KCNQ2: variants seen among roughly 807,000 people sequenced by gnomAD.
The protein encoded by KCNQ2 is potassium voltage-gated channel subfamily Q member 2.
KCNQ2 carries 14 observed loss-of-function variants against 84.8 expected under a neutral mutation model. The ratio of observed to expected loss-of-function variants is 0.17; its 90% CI spans 0.11 to 0.26. The LOEUF (loss-of-function observed/expected upper bound fraction) is 0.26. KCNQ2 is among the 10% of genes least tolerant of loss of function. KCNQ2 has a pLI of 1.00. For synonymous variants in KCNQ2, 599 were observed against 554.1 expected (o/e 1.08, Z -1.14); for missense variants, 788 against 1,254.0 (o/e 0.63, Z 5.61).
In KCNQ2 at chr20:63,400,999, G is replaced by A. The variant is rs1051489159; in HGVS notation, c.*5645C>T. 33 of 397,052 alleles carry A rather than the reference G, an allele frequency of 8.3e-5. No homozygotes were observed. The highest frequency in any genetic ancestry group is 1.3e-4 in the Non-Finnish European group (29 of 225,544). 24.6% of individuals were successfully genotyped at this position (397,052 alleles called of 1,614,324 possible). ...GGCGGAGTTGGCGTGTGGCGATGGC[G>A]ATGTGCACGTGCCTGCCTGGTAGCC... is the stretch of plus-strand genomic sequence containing the variant. On this transcript the variant is annotated 3_prime_UTR_variant, in exon 17 of 17. Coordinates refer to ENST00000359125, the MANE Select transcript of KCNQ2 (RefSeq NM_172107.4). This position sits in a 1 kb window ranked among gnomAD's most constrained non-coding sequence, Gnocchi z 8.7.
chr20:63,414,412 C>T lies in KCNQ2; in HGVS notation c.1526-219G>A, dbSNP rs543846822. On this transcript the variant is annotated intron_variant, in intron 13 of 16. Coordinates refer to ENST00000359125, the MANE Select transcript of KCNQ2 (RefSeq NM_172107.4). This position sits in a 1 kb window ranked among gnomAD's most constrained non-coding sequence, Gnocchi z 6.6. The stretch of plus-strand genomic sequence containing the variant: ...GCAGGCTGTGGCCACAGGGAGTGGC[C>T]GATATGGGGCGTCAAAGGACATTCT... 2.6e-5 allele frequency among the ~76,000 whole-genome samples: 4 copies of T among 152,204 alleles called. No homozygotes were observed. Among genetic ancestry groups the T allele is most frequent in the African/African-American group, 7.2e-5 (3 of 41,536 alleles).
At chr20:63,467,249 C>G (rs144144227) in intron 1 of KCNQ2, among the ~76,000 whole-genome samples, 1 of 152,242 alleles carries the variant, frequency 6.6e-6, no homozygotes, top group African/African-American at 2.4e-5. Flanking sequence ...AAGGCCCCCA[C>G]AGGTCCCCCT....
rs957424965 is a variant in KCNQ2, at chr20:63,414,644, G to T, written c.1525+259C>A. On this transcript the variant is annotated intron_variant, in intron 13 of 16. Coordinates refer to ENST00000359125, the MANE Select transcript of KCNQ2 (RefSeq NM_172107.4). The surrounding 1 kb of genome is among the most constrained non-coding windows in gnomAD (Gnocchi z 6.6). ...GATGGGGTCATGGTTTCCTTCTGTG[G>T]TGATGAGAATGTTCTGGAACTAGGC... 6.6e-6 allele frequency among the ~76,000 whole-genome samples: 1 copy of T among 151,786 alleles called. No individual in the cohort carries two copies. The highest frequency in any genetic ancestry group is 6.6e-5 in the Admixed American group (1 of 15,222).
intron 15 of KCNQ2, chr20:63,410,003 C>T: frequency 3.5e-6 from 1 of 287,312 alleles, no homozygotes; most frequent in Non-Finnish European, 6.8e-6. Flanking sequence ...GGGGTGTTAT[C>T]TTCTTTCTGT....
chr20:63,471,521 G>GTT (rs1270785073), intron 1 of KCNQ2, among the ~76,000 whole-genome samples: 57 of 152,220 alleles, frequency 3.7e-4, no homozygotes, highest in African/African-American at 1.1e-3. Flanking sequence ...GGGGCGGCCG[G>GTT]CGGCTGCAGA....
chr20:63,417,128 A>G (rs1307473708), intron 12 of KCNQ2, among the ~76,000 whole-genome samples: 1 of 152,116 alleles, frequency 6.6e-6, no homozygotes, highest in Non-Finnish European at 1.5e-5. Context: ...CACCGTGCCC[A>G]TGGGGGCCAG....
chr20:63,428,895 T>C (rs1161956454), intron 9 of KCNQ2, among the ~76,000 whole-genome samples: 3 of 152,084 alleles, frequency 2.0e-5, no homozygotes, highest in Non-Finnish European at 4.4e-5. Context: ...GAGGTGGGGA[T>C]ACAGAAAAGG....
Position 63,436,970 on chromosome 20 carries a change from G to C in KCNQ2, c.1023+1655C>G, listed in dbSNP as rs145983979. The stretch of plus-strand genomic sequence containing the variant: ...TTTTTTGTATTTTTAGTAGAGATGG[G>C]GTTTCACCATGTTGGCTAAGCTGGT... On this transcript the variant is annotated intron_variant, in intron 7 of 16. Coordinates refer to ENST00000359125, the MANE Select transcript of KCNQ2 (RefSeq NM_172107.4). Among the ~76,000 whole-genome samples the C allele has an allele frequency of 2.0e-5, 3 of 152,082 alleles. No homozygotes were observed. The East Asian group carries it at 5.8e-4, about 29-fold the overall frequency.
At chr20:63,424,238 C>T (rs777919159) in intron 10 of KCNQ2, 32 bp from the exon 11 acceptor site, 16 of 1,552,204 alleles carry the variant, frequency 1.0e-5, no homozygotes, top group South Asian at 4.8e-5. Context: ...AGTTAGTGGC[C>T]GCCCACTCAG....
At position 63,407,621 on chromosome 20, in the gene KCNQ2, T is replaced by G. The variant is rs1174874725; in HGVS notation, c.1888-246A>C. The stretch of plus-strand genomic sequence containing the variant: ...AGAGACCCAGGCTAGTCCCAGGAAA[T>G]GGGGGACCCAGGCTAGTCCCAGGAA... On this transcript the variant is annotated intron_variant, in intron 16 of 16. Transcript: ENST00000359125. The surrounding 1 kb of genome is among the most constrained non-coding windows in gnomAD (Gnocchi z 7.2). Among the ~76,000 whole-genome samples the G allele has an allele frequency of 1.5e-5, 2 of 135,120 alleles. No homozygotes were observed. The highest frequency in any genetic ancestry group is 2.2e-4 in the East Asian group (1 of 4,614). 88.6% of individuals were successfully genotyped at this position (135,120 alleles called of 152,430 possible).
Position 63,406,018 on chromosome 20 carries a change from G to A in KCNQ2, c.*626C>T, listed in dbSNP as rs2079920771. Reference sequence around the variant, plus strand: ...ACCTCGGGGCTGGCTTCCATGGAAAGAGCCCTCAGATCCCAGAAGGTACAG... The same window carrying A: ...ACCTCGGGGCTGGCTTCCATGGAAAAAGCCCTCAGATCCCAGAAGGTACAG... On this transcript the variant is annotated 3_prime_UTR_variant, in exon 17 of 17. Transcript: ENST00000359125. 6.6e-6 allele frequency: 1 copy of A among 152,280 alleles called. No homozygotes were observed. Among genetic ancestry groups the A allele is most frequent in the African/African-American group, 2.4e-5 (1 of 41,450 alleles). The allele number at this position is 152,280 out of a possible 1,614,324, so 9.4% of individuals were successfully genotyped here.
In KCNQ2 at chr20:63,408,624, C is replaced by T; in HGVS notation, c.1764-88G>A. 1 of 1,558,562 alleles carries T rather than the reference C, an allele frequency of 6.4e-7. No individual in the cohort carries two copies. Among genetic ancestry groups the T allele is most frequent in the Non-Finnish European group, 8.7e-7 (1 of 1,155,532 alleles). The stretch of plus-strand genomic sequence containing the variant: ...CCTCCTGGACCAGGCCACAGTGCCC[C>T]TGGGTCTAGGCTGCAGGCTCAGCCC... On this transcript the variant is annotated intron_variant, in intron 15 of 16. Transcript: ENST00000359125. The surrounding 1 kb of genome is among the most constrained non-coding windows in gnomAD (Gnocchi z 5.0).
At position 63,404,989 on chromosome 20, in the gene KCNQ2, A is replaced by G. The variant is rs1379422329; in HGVS notation, c.*1655T>C. On this transcript the variant is annotated 3_prime_UTR_variant, in exon 17 of 17. Coordinates refer to ENST00000359125, the MANE Select transcript of KCNQ2 (RefSeq NM_172107.4). ...GAGGCCAGGGCAGCAGCTCCCCACA[A>G]TGGACGCCAGACATGGCTCCCCGAA... is the stretch of plus-strand genomic sequence containing the variant. 2 of 152,256 alleles carry G rather than the reference A, an allele frequency of 1.3e-5. No homozygotes were observed. Among genetic ancestry groups the G allele is most frequent in the African/African-American group, 4.8e-5 (2 of 41,414 alleles). The allele number at this position is 152,256 out of a possible 1,614,324, so 9.4% of individuals were successfully genotyped here. A position where few individuals can be genotyped will look rare whatever the true frequency, so the allele number is the denominator to read the frequency against.
intron 1 of KCNQ2, chr20:63,470,755 C>T (rs1198393017): frequency 6.6e-6 from 1 of 152,044 alleles, no homozygotes; most frequent in African/African-American, 2.4e-5. Flanking sequence ...CACCAAGAGC[C>T]CCTTTGGCCC....
chr20:63,419,001 A>G (rs960844806), intron 12 of KCNQ2, among the ~76,000 whole-genome samples: 1 of 152,136 alleles, frequency 6.6e-6, no homozygotes, highest in Non-Finnish European at 1.5e-5. Flanking sequence ...GCAGGCCTGC[A>G]CACACCCAAC....
intron 1 of KCNQ2, among the ~76,000 whole-genome samples, chr20:63,453,247 C>T (rs903870142): frequency 6.6e-6 from 1 of 152,244 alleles, no homozygotes; most frequent in South Asian, 2.1e-4. Flanking sequence ...GAGGCACCGT[C>T]GCCAGGGGGC....
intron 1 of KCNQ2, among the ~76,000 whole-genome samples, chr20:63,458,556 C>T (rs2081865700): frequency 6.6e-6 from 1 of 152,210 alleles, no homozygotes. Flanking sequence ...ATCCCTTCCC[C>T]GGGCAGCCCC....
intron 11 of KCNQ2, among the ~76,000 whole-genome samples, chr20:63,421,808 G>T (rs1178465564): frequency 6.6e-6 from 1 of 152,078 alleles, no homozygotes; most frequent in African/African-American, 2.4e-5. Context: ...GAACCGCCGT[G>T]GCCAAAGAGA....
intron 7 of KCNQ2, among the ~76,000 whole-genome samples, chr20:63,435,472 T>C (rs1188174977): frequency 6.6e-6 from 1 of 151,326 alleles, no homozygotes; most frequent in Non-Finnish European, 1.5e-5. Context: ...GATAAAACTC[T>C]AACAGGTGAG....
Sources: allele counts gnomAD v4.1 joint callset (sites outside exome capture counted in the v4.1 genomes callset), GRCh38; gene constraint gnomAD v4.1.1; non-coding constraint Gnocchi (gnomAD v3.1); transcripts MANE v1.5; gene names NCBI Gene and HGNC (gene_info 2026-07-23, HGNC 2026-07-21).